Variants in RELN observed in about 807,000 individuals in gnomAD.
RELN encodes the protein reelin.
Under a neutral mutation model 427.6 loss-of-function variants are expected in RELN, and 108 were observed. The ratio of observed to expected loss-of-function variants is 0.25; its 90% CI spans 0.22 to 0.30. The LOEUF is 0.30. Among genes scored for constraint, RELN ranks in the 10% least tolerant of loss-of-function variants. The pLI is 1.00. For missense variants in RELN, 3,715 were observed against 4,302.8 expected (o/e 0.86, Z 3.82); for synonymous variants, 1,524 against 1,513.4 (o/e 1.01, Z -0.16).
chr7:103,654,232 C>T (rs751491957), intron 12 of RELN, 27 bp from the exon 13 acceptor site: 1 of 1,095,300 alleles, frequency 9.1e-7, no homozygotes, highest in Non-Finnish European at 1.4e-6. Flanking sequence ...TTTTAAGTTG[C>T]TAGTACCAAC....
At chr7:103,652,236 G>A (rs1052742275) in intron 14 of RELN, among the ~76,000 whole-genome samples, 1 of 150,250 alleles carries the variant, frequency 6.7e-6, no homozygotes, top group African/African-American at 2.4e-5. Flanking sequence ...AGGAGGTCAA[G>A]CTTTTTTTCA....
intron 2 of RELN, among the ~76,000 whole-genome samples, chr7:103,874,839 C>G (rs892253232): frequency 1.3e-5 from 2 of 148,710 alleles, no homozygotes; most frequent in African/African-American, 4.9e-5. Context: ...ACTTTCTTCA[C>G]AGAATTGGAA....
intron 1 of RELN, among the ~76,000 whole-genome samples, chr7:103,987,473 A>C (rs768144871): frequency 6.6e-6 from 1 of 152,218 alleles, no homozygotes; most frequent in Non-Finnish European, 1.5e-5. Flanking sequence ...GACCTTCCAA[A>C]GGATGTGGAA....
rs527811503 is a variant in RELN, at chr7:103,767,965, C to T, written c.544+8592G>A. On this transcript the variant is annotated intron_variant, in intron 4 of 64. Coordinates refer to ENST00000428762, the MANE Select transcript of RELN (RefSeq NM_005045.4). ...GGTCTATTTCCCCCTACAACACTTG[C>T]CACCTTCTAACATGGTACCACGTTT... Among the ~76,000 whole-genome samples, 14 of 152,246 alleles carry T rather than the reference C, an allele frequency of 9.2e-5. 1 individual carries two copies. In the South Asian group the frequency reaches 1.7e-3, roughly 18 times the overall value.
At chr7:103,504,793 AC>A (rs759929252) in intron 51 of RELN, among the ~76,000 whole-genome samples, 1 of 151,990 alleles carries the variant, frequency 6.6e-6, no homozygotes, top group Non-Finnish European at 1.5e-5. Context: ...AGTGAGTCCC[AC>A]CCCCACGGAG....
At chr7:103,598,286 T>C (rs1032552740) in intron 24 of RELN, among the ~76,000 whole-genome samples, 4 of 152,198 alleles carry the variant, frequency 2.6e-5, no homozygotes, top group Non-Finnish European at 4.4e-5. Flanking sequence ...TTTGAGGAAA[T>C]CTTGTAAGTT....
chr7:103,915,882 G>A (rs1211544131), intron 2 of RELN, among the ~76,000 whole-genome samples: 1 of 152,134 alleles, frequency 6.6e-6, no homozygotes, highest in East Asian at 1.9e-4. Flanking sequence ...ATATGACTAT[G>A]ACCTGACCCT....
intron 60 of RELN, among the ~76,000 whole-genome samples, chr7:103,487,769 A>G (rs1014195980): frequency 1.3e-5 from 2 of 152,194 alleles, no homozygotes; most frequent in Non-Finnish European, 2.9e-5. Context: ...GTTAATGTAC[A>G]CTTGATGATT....
At chr7:103,553,947 T>C in intron 38 of RELN, 116 bp from the exon 39 acceptor site, 1 of 823,708 alleles carries the variant, frequency 1.2e-6, no homozygotes. Flanking sequence ...GTTAAACATA[T>C]GCCTTCTACA....
chr7:103,859,130 C>A (rs1341722467), intron 2 of RELN, among the ~76,000 whole-genome samples: 2 of 152,092 alleles, frequency 1.3e-5, no homozygotes, highest in Non-Finnish European at 2.9e-5. Flanking sequence ...GAGAATAATA[C>A]ATACATTATC....
chr7:103,897,773 T>C (rs1794993052), intron 2 of RELN, among the ~76,000 whole-genome samples: 1 of 152,068 alleles, frequency 6.6e-6, no homozygotes, highest in African/African-American at 2.4e-5. Flanking sequence ...ACTGGAAATG[T>C]GGCTTACGTA....
At chr7:103,629,574 TG>T (rs1177272332) in intron 20 of RELN, among the ~76,000 whole-genome samples, 1 of 152,096 alleles carries the variant, frequency 6.6e-6, no homozygotes, top group Non-Finnish European at 1.5e-5. Context: ...ATAAACCCCA[TG>T]GGCCTCTGAG....
intron 2 of RELN, among the ~76,000 whole-genome samples, chr7:103,841,974 CCAAA>C (rs895951531): frequency 3.9e-5 from 6 of 151,906 alleles, no homozygotes; most frequent in Non-Finnish European, 8.8e-5. Flanking sequence ...TAGGGTATTA[CCAAA>C]CAAAGGGCAA....
chr7:103,680,140 A>G (rs958107994), intron 11 of RELN, among the ~76,000 whole-genome samples: 1 of 152,150 alleles, frequency 6.6e-6, no homozygotes, highest in Non-Finnish European at 1.5e-5. Context: ...GTTACATTTA[A>G]AACATTGATT....
chr7:103,959,115 G>T (rs182038227), intron 1 of RELN, among the ~76,000 whole-genome samples: 3 of 150,140 alleles, frequency 2.0e-5, no homozygotes, highest in Non-Finnish European at 3.0e-5. Context: ...GCTAATTTTC[G>T]TATTTTTAGT....
intron 3 of RELN, among the ~76,000 whole-genome samples, chr7:103,795,403 T>C (rs1027314505): frequency 6.6e-6 from 1 of 152,208 alleles, no homozygotes; most frequent in South Asian, 2.1e-4. Flanking sequence ...GAACAAAATA[T>C]TGTTACAGGA....
chr7:103,581,663 T>C (rs1020386171), intron 28 of RELN, among the ~76,000 whole-genome samples: 3 of 152,212 alleles, frequency 2.0e-5, no homozygotes, highest in African/African-American at 7.2e-5. Flanking sequence ...AATGCACTTC[T>C]TATTAAAAAA....
rs886061856 is a variant in RELN, at chr7:103,565,322, G to C, written c.5166C>G (p.Phe1722Leu). 1.3e-5 allele frequency: 21 copies of C among 1,613,972 alleles called. No individual in the cohort carries two copies. The highest frequency in any genetic ancestry group is 1.8e-5 in the Non-Finnish European group (21 of 1,179,998). Residue 1722 changes from phenylalanine (F) to leucine (L), a missense_variant, in exon 34 of 65, where the codon TTC (phenylalanine) becomes TTG (leucine). This residue lies in a region of RELN where 2,208 missense variants were observed against 2,361.7 expected (regional missense o/e 0.93). Transcript: ENST00000428762. ...AGACAGTGATCCGCTTCCAATTCTG[G>C]AATCTTTCCGAGGTGTAAATTGAAC... Reference protein sequence around the residue: ...TESSIYTSERFQNWKRITVYL... With the variant: ...TESSIYTSERLQNWKRITVYL...
intron 19 of RELN, 57 bp downstream of exon 19, chr7:103,635,368 T>A (rs1832556227): frequency 1.2e-5 from 19 of 1,564,348 alleles, no homozygotes; most frequent in Non-Finnish European, 1.7e-5. Context: ...TGAATTATGA[T>A]TTCCCCAGGA....
Sources: allele counts gnomAD v4.1 joint callset (sites outside exome capture counted in the v4.1 genomes callset), GRCh38; gene constraint gnomAD v4.1.1; regional missense constraint gnomAD v4.1.1; transcripts MANE v1.5; gene names NCBI Gene and HGNC (gene_info 2026-07-23, HGNC 2026-07-21).